The following PACRG variants were observed in gnomAD, a reference collection of about 807,000 sequenced individuals.
PACRG encodes parkin coregulated gene protein.
In PACRG, 29 loss-of-function variants were observed where a neutral mutation model predicts 29.7. The ratio of observed to expected loss-of-function variants is 0.98; its 90% CI spans 0.73 to 1.33. The LOEUF is 1.33. PACRG is among the 40% of genes most tolerant of loss of function. PACRG has a pLI of 0.00. For synonymous variants in PACRG, 116 were observed against 118.7 expected (o/e 0.98, Z 0.15); for missense variants, 279 against 316.2 (o/e 0.88, Z 0.89).
At position 163,161,730 on chromosome 6, in the gene PACRG, G is replaced by A. The variant is rs558269417; in HGVS notation, c.613+72322G>A. Reference sequence around the variant, plus strand: ...TCAAGGTCCTCATTTTCTTAATTTGGTGTTTTACGTTTGGGTGTCCTCTGA... The same window carrying A: ...TCAAGGTCCTCATTTTCTTAATTTGATGTTTTACGTTTGGGTGTCCTCTGA... On this transcript the variant is annotated intron_variant, in intron 4 of 4. Transcript: ENST00000366888. Among the ~76,000 whole-genome samples, 15 of 152,214 alleles carry A rather than the reference G, an allele frequency of 9.9e-5. No individual in the cohort carries two copies. The South Asian group carries it at 2.9e-3, about 29-fold the overall frequency.
At chr6:162,772,937 A>G (rs1783332772) in intron 1 of PACRG, among the ~76,000 whole-genome samples, 2 of 152,192 alleles carry the variant, frequency 1.3e-5, no homozygotes, top group Admixed American at 1.3e-4. Context: ...AAGCCTTTGC[A>G]TTTGAGATAT....
At chr6:162,874,151 A>AAAAT (rs67812561) in intron 2 of PACRG, among the ~76,000 whole-genome samples, 2,005 of 136,224 alleles carry the variant, frequency 0.015, 26 homozygotes, top group South Asian at 0.036. Flanking sequence ...AAAAAAAAAA[A>AAAAT]ATATATATAT....
At chr6:163,242,044 T>C (rs1782528645) in intron 4 of PACRG, among the ~76,000 whole-genome samples, 1 of 151,566 alleles carries the variant, frequency 6.6e-6, no homozygotes, top group Admixed American at 6.6e-5. Context: ...TGATGTTAGC[T>C]GAGGCAAAGC....
At chr6:163,057,695 G>T (rs544810694) in intron 2 of PACRG, among the ~76,000 whole-genome samples, 1 of 152,326 alleles carries the variant, frequency 6.6e-6, no homozygotes, top group South Asian at 2.1e-4. Context: ...CTTTTTAAAA[G>T]CCTCAAGGCT....
At chr6:162,753,626 A>C (rs1781682002) in intron 1 of PACRG, among the ~76,000 whole-genome samples, 1 of 151,912 alleles carries the variant, frequency 6.6e-6, no homozygotes, top group Non-Finnish European at 1.5e-5. Flanking sequence ...CTAGTGGGAG[A>C]TGATTGGATC....
intron 3 of PACRG, among the ~76,000 whole-genome samples, chr6:163,073,920 C>T (rs1812305455): frequency 6.6e-6 from 1 of 152,060 alleles, no homozygotes; most frequent in Non-Finnish European, 1.5e-5. Context: ...ATCCAAAAGA[C>T]AGGCAATAGC....
chr6:162,884,078 G>A (rs183768534), intron 2 of PACRG, among the ~76,000 whole-genome samples: 22 of 152,032 alleles, frequency 1.4e-4, no homozygotes, highest in Non-Finnish European at 2.2e-4. Flanking sequence ...AGTCCCCCAA[G>A]TAGCTGAGAC....
intron 2 of PACRG, among the ~76,000 whole-genome samples, chr6:162,851,874 A>G (rs1790889012): frequency 2.0e-5 from 3 of 151,946 alleles, no homozygotes; most frequent in South Asian, 2.1e-4. Flanking sequence ...CCATCTACCT[A>G]TCTTATGTAA....
intron 4 of PACRG, among the ~76,000 whole-genome samples, chr6:163,297,739 C>T (rs1784831008): frequency 6.6e-6 from 1 of 152,156 alleles, no homozygotes; most frequent in African/African-American, 2.4e-5. Flanking sequence ...CAACTTAAGA[C>T]ACTTTGTAAA....
intron 4 of PACRG, chr6:163,310,701 AGAAT>A (rs1167228069): frequency 3.3e-5 from 5 of 152,246 alleles, no homozygotes; most frequent in Non-Finnish European, 2.9e-5. Flanking sequence ...CGTAGAAGAA[AGAAT>A]GAAGTTTGCA....
chr6:163,044,442 C>T (rs1305236124), intron 2 of PACRG, among the ~76,000 whole-genome samples: 2 of 152,170 alleles, frequency 1.3e-5, no homozygotes, highest in African/African-American at 2.4e-5. Context: ...GTTGGAATTA[C>T]AGACATGAAT....
At chr6:162,956,524 C>G (rs531883630) in intron 2 of PACRG, among the ~76,000 whole-genome samples, 8 of 152,200 alleles carry the variant, frequency 5.3e-5, no homozygotes, top group African/African-American at 1.9e-4. Flanking sequence ...TTGGCTGTCT[C>G]AAAGCTCTGG....
intron 2 of PACRG, among the ~76,000 whole-genome samples, chr6:162,937,302 A>C (rs1798301964): frequency 6.6e-6 from 1 of 152,220 alleles, no homozygotes; most frequent in South Asian, 2.1e-4. Flanking sequence ...ATATCATCTT[A>C]ACATGTGGTA....
At chr6:162,774,959 G>A (rs1783526657) in intron 1 of PACRG, among the ~76,000 whole-genome samples, 1 of 152,104 alleles carries the variant, frequency 6.6e-6, no homozygotes, top group Non-Finnish European at 1.5e-5. Context: ...CATATAACAG[G>A]ACTCAGGGTT....
At chr6:162,775,016 C>T (rs1783533083) in intron 1 of PACRG, among the ~76,000 whole-genome samples, 1 of 152,138 alleles carries the variant, frequency 6.6e-6, no homozygotes, top group African/African-American at 2.4e-5. Flanking sequence ...ACAATCCTAA[C>T]CCCCAAGGCA....
chr6:163,014,323 G>C (rs1012197156), intron 2 of PACRG, among the ~76,000 whole-genome samples: 5 of 152,172 alleles, frequency 3.3e-5, no homozygotes, highest in Admixed American at 2.6e-4. Flanking sequence ...GCATGTGACT[G>C]TATGTGTCTT....
chr6:163,125,110 T>C (rs1288796702), intron 4 of PACRG, among the ~76,000 whole-genome samples: 1 of 152,156 alleles, frequency 6.6e-6, no homozygotes, highest in East Asian at 1.9e-4. Flanking sequence ...TATGTGGGAA[T>C]GTAGAAATTC....
chr6:163,023,050 G>A (rs1806785441), intron 2 of PACRG, among the ~76,000 whole-genome samples: 1 of 152,134 alleles, frequency 6.6e-6, no homozygotes, highest in Non-Finnish European at 1.5e-5. Flanking sequence ...TCCCAGCCAT[G>A]TTCCTTTTCT....
intron 4 of PACRG, among the ~76,000 whole-genome samples, chr6:163,141,949 C>A (rs575143751): frequency 9.2e-5 from 14 of 151,902 alleles, no homozygotes; most frequent in Non-Finnish European, 1.9e-4. Context: ...CACCCAGTAG[C>A]GATAGTCCTT....
Sources: gnomAD v4.1 joint callset for allele counts (sites outside exome capture counted in the v4.1 genomes callset) on GRCh38, gnomAD v4.1.1 for gene constraint, MANE v1.5 for transcripts, NCBI Gene and HGNC (gene_info 2026-07-23, HGNC 2026-07-21) for gene names.